ADGRF3: variants seen among roughly 807,000 people sequenced by gnomAD.
ADGRF3 encodes G protein-coupled receptor 113.
In ADGRF3, 85 loss-of-function variants were observed where a neutral mutation model predicts 93.2. The ratio of observed to expected loss-of-function variants is 0.91; its 90% CI spans 0.77 to 1.09. ADGRF3 has a LOEUF of 1.09. ADGRF3 is among the 50% of genes least tolerant of loss of function. The probability of loss-of-function intolerance (pLI) is 0.00; values close to 1 mark genes in which losing one functional copy is unlikely to be tolerated. For missense variants in ADGRF3, 1,125 were observed against 1,246.2 expected, an observed-to-expected ratio of 0.90 and a Z score of 1.46; for synonymous variants, 534 against 532.5, an observed-to-expected ratio of 1.00 and a Z score of -0.04.
intron 1 of ADGRF3, chr2:26,318,825 C>T (rs1674925182): frequency 7.2e-7 from 1 of 1,397,934 alleles, no homozygotes; most frequent in Non-Finnish European, 9.8e-7. Context: ...AAAGCATCCA[C>T]TTTCCTTACA....
intron 1 of ADGRF3, among the ~76,000 whole-genome samples, chr2:26,341,007 T>A (rs1244161932): frequency 6.6e-6 from 1 of 152,092 alleles, no homozygotes; most frequent in Admixed American, 6.6e-5. Flanking sequence ...TCCCTCTGAA[T>A]GTTTAAACTG....
Position 26,311,036 on chromosome 2 carries a change from C to A in ADGRF3, c.2488G>T (p.Ala830Ser). ...LLGYLCPLGL[A>S]GVTLGLYLPQ... The stretch of plus-strand genomic sequence containing the variant: ...AGGTAGAGCCCCAGGGTGACACCTG[C>A]CAACCCCAGTGGGCACAGGTAGCCC... The change falls in exon 10 of 14, where the codon GCA (alanine) becomes TCA (serine). Residue 830 changes from alanine (A) to serine (S), a missense_variant. Physicochemically the swap from Ala to Ser is moderately conservative, Grantham distance 99. Transcript: ENST00000651242. The A allele has an allele frequency of 6.2e-7, 1 of 1,611,038 alleles. No individual in the cohort carries two copies.
At chr2:26,324,423 G>T (rs1220482842) in intron 1 of ADGRF3, among the ~76,000 whole-genome samples, 1 of 152,104 alleles carries the variant, frequency 6.6e-6, no homozygotes, top group Non-Finnish European at 1.5e-5. Context: ...GAGGTTTGTT[G>T]TACAGATTAT....
At chr2:26,338,908 T>C (rs962645161) in intron 1 of ADGRF3, among the ~76,000 whole-genome samples, 9 of 150,616 alleles carry the variant, frequency 6.0e-5, no homozygotes, top group African/African-American at 1.7e-4. Flanking sequence ...GAGGCTGGGG[T>C]GGGCGGATCA....
At chr2:26,330,118 A>C (rs1675676105) in intron 1 of ADGRF3, among the ~76,000 whole-genome samples, 1 of 152,234 alleles carries the variant, frequency 6.6e-6, no homozygotes, top group Admixed American at 6.5e-5. Context: ...TGATCAACCT[A>C]CTGCGGACTG....
chr2:26,320,119 G>A (rs1031614035), intron 1 of ADGRF3, among the ~76,000 whole-genome samples: 7 of 152,128 alleles, frequency 4.6e-5, no homozygotes, highest in Non-Finnish European at 7.3e-5. Flanking sequence ...CTCAACAAAG[G>A]AAGTTTCTTC....
At position 26,313,465 on chromosome 2, in the gene ADGRF3, C is replaced by G; in HGVS notation, c.1181G>C (p.Arg394Thr). 6.2e-7 allele frequency: 1 copy of G among 1,611,362 alleles called. No homozygotes were observed. Among genetic ancestry groups the G allele is most frequent in the Non-Finnish European group, 8.5e-7 (1 of 1,178,888 alleles). The change falls in exon 8 of 14, where the codon AGG becomes ACG. Residue 394 changes from arginine to threonine, a missense_variant. By Grantham distance (71) the Arg-to-Thr change is moderately conservative. Transcript: ENST00000651242. The stretch of plus-strand genomic sequence containing the variant: ...GACTCCGTCAGCCCCACAGAGCCTC[C>G]TCACTATGCCCCTCTTGCTCTCAGG... ...PCPESKRGIVRRLCGADGVWG... is the reference protein window; with the variant it reads ...PCPESKRGIVTRLCGADGVWG...
At chr2:26,338,621 C>T (rs1354595095) in intron 1 of ADGRF3, among the ~76,000 whole-genome samples, 2 of 152,076 alleles carry the variant, frequency 1.3e-5, no homozygotes, top group Non-Finnish European at 2.9e-5. Context: ...TGCCACCACG[C>T]CCGGCTAATT....
chr2:26,316,420 G>C lies in ADGRF3; in HGVS notation c.354C>G (p.Phe118Leu). The change falls in exon 4 of 14, where the codon TTC becomes TTG. Residue 118 changes from phenylalanine (F) to leucine (L), a missense_variant. By Grantham distance (22) the Phe-to-Leu change is conservative. Coordinates refer to ENST00000651242, the MANE Select transcript of ADGRF3 (RefSeq NM_001321971.2). Reference protein sequence around the residue: ...TECNVNHKGNFYCACLSGYQW... With the variant: ...TECNVNHKGNLYCACLSGYQW... ...GGTAGCCAGAGAGGCAAGCACAATAGAAATTCCCCTTGTGGTTGACATTAC... is the reference window on the plus strand; with the variant it reads ...GGTAGCCAGAGAGGCAAGCACAATACAAATTCCCCTTGTGGTTGACATTAC... 3 of 1,551,780 alleles carry C rather than the reference G, an allele frequency of 1.9e-6. No individual in the cohort carries two copies. The highest frequency in any genetic ancestry group is 2.6e-6 in the Non-Finnish European group (3 of 1,147,018).
chr2:26,346,121 C>T lies in ADGRF3; in HGVS notation c.114G>A (p.Lys38=), dbSNP rs1676732028. ...ARMAKTGLPE[K]GQSQAGGESG... is the part of the protein sequence containing the mutation. ...GGTGGGCGGAGCGCGGCTCTCCTAC[C>T]TTCTCGGGCAGCCCAGTCTTTGCCA... The change falls in exon 1 of 14, where the codon AAG becomes AAA. Residue 38 remains lysine (K), a splice_region_variant and synonymous_variant. Coordinates refer to ENST00000651242, the MANE Select transcript of ADGRF3 (RefSeq NM_001321971.2). 1.3e-6 allele frequency: 2 copies of T among 1,585,734 alleles called. No individual in the cohort carries two copies. Among genetic ancestry groups the T allele is most frequent in the Non-Finnish European group, 1.7e-6 (2 of 1,167,828 alleles).
Position 26,313,617 on chromosome 2 carries a change from C to T in ADGRF3, c.1073-44G>A, listed in dbSNP as rs1452504460. 4 of 1,576,708 alleles carry T rather than the reference C, an allele frequency of 2.5e-6. No homozygotes were observed. The Admixed American group carries it at 7.1e-5, about 28-fold the overall frequency. ...GCGCTACTCAGCAATCACAGCCTCA[C>T]CTGAGCCTCTCCTTGGGCAGAACCC... On this transcript the variant is annotated intron_variant, in intron 7 of 13. Transcript: ENST00000651242.
chr2:26,314,927 T>C, intron 5 of ADGRF3: 1 of 367,650 alleles, frequency 2.7e-6, no homozygotes. Flanking sequence ...AACATGGATC[T>C]GTTCTCAGCA....
Position 26,346,182 on chromosome 2 carries a change from G to C in ADGRF3, c.53C>G (p.Ala18Gly), listed in dbSNP as rs756834378. 7 of 1,612,764 alleles carry C rather than the reference G, an allele frequency of 4.3e-6. No homozygotes were observed. Among genetic ancestry groups the C allele is most frequent in the Non-Finnish European group, 5.9e-6 (7 of 1,179,362 alleles). ...AHSAATPGYK[A>G]VTHKHHTGWA... ...GCCGGTGTGGTGCTTGTGTGTCACAGCCTTGTAGCCGGGAGTCGCTGCCGA... is the reference window on the plus strand; with the variant it reads ...GCCGGTGTGGTGCTTGTGTGTCACACCCTTGTAGCCGGGAGTCGCTGCCGA... The change falls in exon 1 of 14, where the codon GCT (alanine) becomes GGT (glycine). Residue 18 changes from alanine to glycine, a missense_variant. Transcript: ENST00000651242.
Position 26,315,696 on chromosome 2 carries a change from C to A in ADGRF3, c.544G>T (p.Asp182Tyr). Residue 182 changes from aspartate to tyrosine, a missense_variant, in exon 5 of 14, where the codon GAC becomes TAC. Asp to Tyr is a radical substitution (Grantham distance 160, BLOSUM62 -3). Transcript: ENST00000651242. ...AGATGGAGAGTCAGGCTCAGCGTGT[C>A]ACCAGGCATCTGCAGCTGGGAGTTC... ...NLNSQLQMPG[D>Y]TLSLTLHLSQ... 1 of 1,551,500 alleles carries A rather than the reference C, an allele frequency of 6.4e-7. No individual in the cohort carries two copies. Among genetic ancestry groups the A allele is most frequent in the South Asian group, 1.2e-5 (1 of 84,038 alleles).
chr2:26,328,353 AT>A (rs1468646077), intron 1 of ADGRF3, among the ~76,000 whole-genome samples: 2 of 151,428 alleles, frequency 1.3e-5, no homozygotes, highest in Non-Finnish European at 2.9e-5. Context: ...GCTTCTGTAG[AT>A]TTATGTCTTT....
chr2:26,337,650 A>G (rs904660237), intron 1 of ADGRF3, among the ~76,000 whole-genome samples: 3 of 152,204 alleles, frequency 2.0e-5, no homozygotes, highest in African/African-American at 7.2e-5. Context: ...TTCATAAGGC[A>G]TTTCATCATG....
intron 10 of ADGRF3, 134 bp from the exon 11 acceptor site, chr2:26,310,371 A>C (rs770348211): frequency 1.6e-5 from 15 of 957,548 alleles, no homozygotes; most frequent in South Asian, 5.0e-5. Context: ...TATTTGGTGC[A>C]TAGGATCCAT....
At chr2:26,313,336 G>A in intron 8 of ADGRF3, 41 bp downstream of exon 8, 1 of 1,509,960 alleles carries the variant, frequency 6.6e-7, no homozygotes, top group Non-Finnish European at 8.9e-7. Flanking sequence ...GCTAGGGTGG[G>A]CCGTGGAGGG....
chr2:26,342,572 T>G (rs1176851112), intron 1 of ADGRF3, among the ~76,000 whole-genome samples: 1 of 152,254 alleles, frequency 6.6e-6, no homozygotes, highest in Non-Finnish European at 1.5e-5. Context: ...ATAAAAATAT[T>G]GTTTCTAGCA....
Sources: allele counts gnomAD v4.1 joint callset (sites outside exome capture counted in the v4.1 genomes callset), GRCh38; gene constraint gnomAD v4.1.1; transcripts MANE v1.5; gene names NCBI Gene and HGNC (gene_info 2026-07-23, HGNC 2026-07-21).